KCNH8: variants seen among roughly 807,000 people sequenced by gnomAD.
KCNH8 encodes the protein voltage-gated delayed rectifier potassium channel KCNH8.
Under a neutral mutation model 103.6 loss-of-function variants are expected in KCNH8, and 70 were observed. The observed-to-expected ratio is 0.68, with a 90% confidence interval of 0.56 to 0.82. The LOEUF is 0.82. Among genes scored for constraint, KCNH8 ranks in the 40% least tolerant of loss-of-function variants. KCNH8 has a pLI of 0.00. For synonymous variants in KCNH8, 498 were observed against 489.4 expected, an observed-to-expected ratio of 1.02 and a Z score of -0.23; for missense variants, 1,217 against 1,329.9, an observed-to-expected ratio of 0.92 and a Z score of 1.32.
chr3:19,153,315 T>C (rs2063148328), intron 1 of KCNH8, among the ~76,000 whole-genome samples: 1 of 152,198 alleles, frequency 6.6e-6, no homozygotes, highest in Non-Finnish European at 1.5e-5. Flanking sequence ...ATTTTGACAT[T>C]ATTATATAGA....
At chr3:19,390,022 A>G (rs2066413494) in intron 5 of KCNH8, among the ~76,000 whole-genome samples, 1 of 152,060 alleles carries the variant, frequency 6.6e-6, no homozygotes, top group Non-Finnish European at 1.5e-5. Flanking sequence ...CTGACTCTTT[A>G]ATCAGAGTAA....
chr3:19,310,678 G>A (rs1270731727), intron 3 of KCNH8, among the ~76,000 whole-genome samples: 3 of 66,778 alleles, frequency 4.5e-5, no homozygotes, highest in African/African-American at 2.6e-4. Context: ...CTATTCTTGA[G>A]TTCAAAGGGG....
At position 19,534,627 on chromosome 3, in the gene KCNH8, G is replaced by A. The variant is rs138632102; in HGVS notation, c.*528G>A. The A allele has an allele frequency of 1.9e-4, 29 of 152,972 alleles. 1 individual carries two copies. The highest frequency in any genetic ancestry group is 3.2e-4 in the Non-Finnish European group (22 of 68,284). 9.5% of individuals were successfully genotyped at this position (152,972 alleles called of 1,614,324 possible). A position where few individuals can be genotyped will look rare whatever the true frequency, so the allele number is the denominator to read the frequency against. ...GCTGGTGGCCAGTGGTTAGCTATTC[G>A]CACGTTATTTGCCATGTAAATGAAA... On this transcript the variant is annotated 3_prime_UTR_variant, in exon 16 of 16. Coordinates refer to ENST00000328405, the MANE Select transcript of KCNH8 (RefSeq NM_144633.3).
chr3:19,315,323 G>T (rs942453560), intron 3 of KCNH8, among the ~76,000 whole-genome samples: 39 of 152,122 alleles, frequency 2.6e-4, no homozygotes, highest in African/African-American at 8.9e-4. Flanking sequence ...AGTATTAGGA[G>T]CCCAAGAAGC....
chr3:19,455,913 C>G (rs2067525017), intron 10 of KCNH8, among the ~76,000 whole-genome samples: 1 of 151,938 alleles, frequency 6.6e-6, no homozygotes, highest in African/African-American at 2.4e-5. Context: ...ATAAATTCTC[C>G]TCAAATATAC....
chr3:19,502,317 G>T lies in KCNH8; in HGVS notation c.2041-8046G>T, dbSNP rs570374019. On this transcript the variant is annotated intron_variant, in intron 11 of 15. Transcript: ENST00000328405. ...AACATTCCATGCTCATGGGTAGGAA[G>T]AATCAATATTGTGAAAATGGCCATA... Among the ~76,000 whole-genome samples the T allele has an allele frequency of 1.9e-4, 28 of 150,926 alleles. No homozygotes were observed. The East Asian group carries it at 4.3e-3, about 23-fold the overall frequency.
intron 3 of KCNH8, among the ~76,000 whole-genome samples, chr3:19,341,348 CTGGCTG>C (rs1360567023): frequency 6.6e-6 from 1 of 152,120 alleles, no homozygotes; most frequent in Non-Finnish European, 1.5e-5. Context: ...TTCACTAGCG[CTGGCTG>C]TGGCCAATTA....
intron 1 of KCNH8, among the ~76,000 whole-genome samples, chr3:19,232,198 A>G (rs914291484): frequency 4.6e-5 from 7 of 152,216 alleles, no homozygotes; most frequent in Admixed American, 4.6e-4. Context: ...CACCTTCCAG[A>G]TTTATTTACT....
chr3:19,343,955 T>G (rs2065695421), intron 4 of KCNH8, among the ~76,000 whole-genome samples: 1 of 148,282 alleles, frequency 6.7e-6, no homozygotes, highest in African/African-American at 2.5e-5. Flanking sequence ...TCCGTGCTGG[T>G]GTGCCATGTA....
At chr3:19,529,837 T>C (rs1244834364) in intron 15 of KCNH8, among the ~76,000 whole-genome samples, 1 of 152,204 alleles carries the variant, frequency 6.6e-6, no homozygotes, top group Non-Finnish European at 1.5e-5. Context: ...AGAGACACAG[T>C]GACAGGAATC....
chr3:19,355,730 T>C (rs1310299151), intron 5 of KCNH8, among the ~76,000 whole-genome samples: 1 of 152,014 alleles, frequency 6.6e-6, no homozygotes, highest in East Asian at 1.9e-4. Flanking sequence ...CCAGGGCCTG[T>C]CGTGCAGTGG....
At chr3:19,369,024 A>G (rs1322630248) in intron 5 of KCNH8, among the ~76,000 whole-genome samples, 1 of 151,964 alleles carries the variant, frequency 6.6e-6, no homozygotes, top group African/African-American at 2.4e-5. Flanking sequence ...TTAAGAGCCA[A>G]ATTGCATGAT....
chr3:19,519,655 C>CA (rs940465895), intron 15 of KCNH8, among the ~76,000 whole-genome samples: 17 of 151,266 alleles, frequency 1.1e-4, no homozygotes, highest in African/African-American at 2.4e-4. Context: ...CTTGTTAAAA[C>CA]AAAAAAACAA....
At chr3:19,168,144 G>A (rs1335017939) in intron 1 of KCNH8, among the ~76,000 whole-genome samples, 5 of 151,838 alleles carry the variant, frequency 3.3e-5, no homozygotes, top group African/African-American at 9.7e-5. Context: ...CGAGTAGCTG[G>A]GATTACAGGT....
At chr3:19,170,733 CACAT>C (rs1433526575) in intron 1 of KCNH8, among the ~76,000 whole-genome samples, 6 of 117,786 alleles carry the variant, frequency 5.1e-5, no homozygotes, top group African/African-American at 1.6e-4. Context: ...TATATACACA[CACAT>C]ATATATACAC....
In KCNH8 at chr3:19,253,660, A is replaced by G; in HGVS notation, c.83A>G (p.Asn28Ser). The G allele has an allele frequency of 6.2e-7, 1 of 1,611,972 alleles. No individual in the cohort carries two copies. Among genetic ancestry groups the G allele is most frequent in the Non-Finnish European group, 8.5e-7 (1 of 1,178,620 alleles). Residue 28 changes from asparagine to serine, a missense_variant, in exon 2 of 16, where the codon AAC becomes AGC. Around this residue, in one of 3 missense-constraint regions of KCNH8, gnomAD observed 244 missense variants for 256.8 expected, o/e 0.95. Transcript: ENST00000328405. The stretch of plus-strand genomic sequence containing the variant: ...TCTCCTTGTTTTTCTATAGATAGCA[A>G]CTTCATCCTTGCCAATGCCCAGGTG... ...IATRFDGTHS[N>S]FILANAQVAK...
intron 3 of KCNH8, among the ~76,000 whole-genome samples, chr3:19,286,985 G>C (rs998757754): frequency 9.2e-5 from 14 of 152,038 alleles, no homozygotes; most frequent in Non-Finnish European, 1.6e-4. Context: ...TCAGTATTGG[G>C]TCTACTGTTT....
At chr3:19,284,315 A>G (rs949959567) in intron 3 of KCNH8, among the ~76,000 whole-genome samples, 5 of 152,142 alleles carry the variant, frequency 3.3e-5, no homozygotes, top group Admixed American at 2.6e-4. Flanking sequence ...GACTTCTATT[A>G]AAAATACTTT....
intron 3 of KCNH8, among the ~76,000 whole-genome samples, chr3:19,342,211 G>A (rs146588941): frequency 0.01 from 1,583 of 152,178 alleles, 17 homozygotes; most frequent in South Asian, 0.035. Flanking sequence ...AATTGTAAAT[G>A]TGGATATAGG....
Sources: allele counts gnomAD v4.1 joint callset (sites outside exome capture counted in the v4.1 genomes callset), GRCh38; gene constraint gnomAD v4.1.1; regional missense constraint gnomAD v4.1.1; transcripts MANE v1.5; gene names NCBI Gene and HGNC (gene_info 2026-07-23, HGNC 2026-07-21).